Variants in ENTREP2 observed in about 807,000 individuals in gnomAD.
ENTREP2 encodes endosomal transmembrane epsin interactor 2.
At chr15:29,473,184 A>G in the ENTREP2 span, among the ~76,000 whole-genome samples, 1 of 152,024 alleles carries the variant, frequency 6.6e-6, no homozygotes, top group Non-Finnish European at 1.5e-5. Context: ...TCACCCTATG[A>G]CAAGTGTGAC....
chr15:29,573,109 G>A, the ENTREP2 span, among the ~76,000 whole-genome samples: 1 of 152,154 alleles, frequency 6.6e-6, no homozygotes, highest in Non-Finnish European at 1.5e-5. Flanking sequence ...ATTTATGAAT[G>A]AGAGATGCTT....
At chr15:29,319,470 GC>G in the ENTREP2 span, among the ~76,000 whole-genome samples, 1 of 152,214 alleles carries the variant, frequency 6.6e-6, no homozygotes, top group Admixed American at 6.5e-5. Flanking sequence ...GAGCATCTGT[GC>G]CCCTGGACTA....
chr15:29,282,328 T>C, the ENTREP2 span, among the ~76,000 whole-genome samples: 1 of 152,214 alleles, frequency 6.6e-6, no homozygotes, highest in Non-Finnish European at 1.5e-5. Context: ...GACGTGCCCT[T>C]TGCCTTCTGC....
chr15:29,615,796 C>T, the ENTREP2 span, among the ~76,000 whole-genome samples: 1 of 152,102 alleles, frequency 6.6e-6, no homozygotes, highest in Admixed American at 6.5e-5. Flanking sequence ...GACATTGTCC[C>T]AAGAGCCAAA....
At chr15:29,392,685 G>C in the ENTREP2 span, among the ~76,000 whole-genome samples, 292 of 152,288 alleles carry the variant, frequency 1.9e-3, no homozygotes, top group African/African-American at 6.8e-3. Flanking sequence ...CTGTGCTACT[G>C]AATCTGTGAA....
the ENTREP2 span, among the ~76,000 whole-genome samples, chr15:29,520,857 C>A: frequency 6.6e-6 from 1 of 152,042 alleles, no homozygotes; most frequent in African/African-American, 2.4e-5. Flanking sequence ...AGAAATCTGA[C>A]AAAAGATAAG....
the ENTREP2 span, among the ~76,000 whole-genome samples, chr15:29,402,292 T>TTGTGTGTGTGTGTGTGTG: frequency 2.3e-5 from 3 of 131,698 alleles, no homozygotes; most frequent in African/African-American, 8.1e-5. Context: ...GTATATTGTA[T>TTGTGTGTGTGTGTGTGTG]TGTGTGTGTG....
chr15:29,492,055 GTTGGT>G, the ENTREP2 span, among the ~76,000 whole-genome samples: 1 of 139,682 alleles, frequency 7.2e-6, no homozygotes, highest in Non-Finnish European at 1.5e-5. Context: ...TATTTCTACT[GTTGGT>G]TTGATTTTTT....
chr15:29,263,013 T>G, the ENTREP2 span, among the ~76,000 whole-genome samples: 1 of 152,184 alleles, frequency 6.6e-6, no homozygotes, highest in Non-Finnish European at 1.5e-5. Flanking sequence ...AAAAACGAAG[T>G]TTGAGAGTTT....
the ENTREP2 span, among the ~76,000 whole-genome samples, chr15:29,208,772 A>C: frequency 6.6e-6 from 1 of 152,244 alleles, no homozygotes; most frequent in Non-Finnish European, 1.5e-5. Flanking sequence ...GAGAATAGCC[A>C]TGCCTGTGTA....
the ENTREP2 span, among the ~76,000 whole-genome samples, chr15:29,393,590 C>G: frequency 1.6e-4 from 25 of 152,262 alleles, no homozygotes; most frequent in Admixed American, 1.0e-3. Flanking sequence ...AGGAGCATGT[C>G]TTTTGCAGTG....
At chr15:29,597,919 C>G in the ENTREP2 span, among the ~76,000 whole-genome samples, 4 of 151,818 alleles carry the variant, frequency 2.6e-5, no homozygotes, top group Admixed American at 6.6e-5. Context: ...CCCAGGAGTT[C>G]AAGACCAGCC....
the ENTREP2 span, among the ~76,000 whole-genome samples, chr15:29,231,591 C>T: frequency 1.3e-5 from 2 of 151,870 alleles, no homozygotes; most frequent in African/African-American, 4.8e-5. Context: ...TATTTATATC[C>T]ATATATCCTT....
At chr15:29,362,195 G>A in the ENTREP2 span, among the ~76,000 whole-genome samples, 1 of 151,830 alleles carries the variant, frequency 6.6e-6, no homozygotes, top group African/African-American at 2.4e-5. Context: ...TACCCAGACA[G>A]GGCTATGAGA....
the ENTREP2 span, among the ~76,000 whole-genome samples, chr15:29,286,005 T>A: frequency 6.6e-6 from 1 of 152,226 alleles, no homozygotes; most frequent in Non-Finnish European, 1.5e-5. Flanking sequence ...ATTCATGATT[T>A]TTTTTAAACT....
chr15:29,573,311 A>G, the ENTREP2 span, among the ~76,000 whole-genome samples: 2 of 152,182 alleles, frequency 1.3e-5, no homozygotes, highest in African/African-American at 4.8e-5. Flanking sequence ...ATTTCTATCA[A>G]TGAAAAAGCA....
At chr15:29,204,674 A>T in the ENTREP2 span, among the ~76,000 whole-genome samples, 1 of 152,296 alleles carries the variant, frequency 6.6e-6, no homozygotes, top group South Asian at 2.1e-4. Flanking sequence ...GTAAAAATGC[A>T]GAGTGCCAAC....
the ENTREP2 span, among the ~76,000 whole-genome samples, chr15:29,672,903 G>A: frequency 1.3e-5 from 2 of 152,246 alleles, no homozygotes; most frequent in Admixed American, 6.5e-5. Flanking sequence ...AGTCCATCAA[G>A]TTGGTGACTC....
At chr15:29,356,296 ATTTTTTT>A in the ENTREP2 span, among the ~76,000 whole-genome samples, 96 of 34,296 alleles carry the variant, frequency 2.8e-3, no homozygotes, top group Middle Eastern at 0.029. Flanking sequence ...ATATATATAT[ATTTTTTT>A]TTTTTTTTTT....
Sources: gnomAD v4.1 joint callset for allele counts (sites outside exome capture counted in the v4.1 genomes callset) on GRCh38, gnomAD v4.1.1 for gene constraint, MANE v1.5 for transcripts, NCBI Gene and HGNC (gene_info 2026-07-23, HGNC 2026-07-21) for gene names.